Variants in AK7 observed in about 807,000 individuals in gnomAD.
The protein encoded by AK7 is ATP-AMP transphosphorylase 7.
In AK7, 78 loss-of-function variants were observed where a neutral mutation model predicts 96.6. That is an observed-to-expected ratio of 0.81 (90% CI 0.67 to 0.97). The LOEUF is 0.97. Ranked by LOEUF, AK7 falls within the 50% of genes least tolerant of loss-of-function variation. AK7 has a pLI of 0.00. For missense variants in AK7, 855 were observed against 887.9 expected (o/e 0.96, Z 0.47); for synonymous variants, 302 against 317.2 (o/e 0.95, Z 0.51).
chr14:96,415,319 T>C (rs1033061053), intron 4 of AK7, among the ~76,000 whole-genome samples: 1 of 151,798 alleles, frequency 6.6e-6, no homozygotes, highest in African/African-American at 2.4e-5. Flanking sequence ...AATAAATATT[T>C]TGAAAAGAAA....
At chr14:96,480,748 G>T (rs1196715661) in intron 15 of AK7, among the ~76,000 whole-genome samples, 1 of 152,136 alleles carries the variant, frequency 6.6e-6, no homozygotes, top group African/African-American at 2.4e-5. Flanking sequence ...TAACAGGGAG[G>T]AATGAATGAG....
chr14:96,428,819 T>C (rs911441683), intron 5 of AK7, among the ~76,000 whole-genome samples: 1 of 152,228 alleles, frequency 6.6e-6, no homozygotes, highest in Admixed American at 6.5e-5. Flanking sequence ...TGTTTGATTT[T>C]TTCTTGTAAA....
At chr14:96,456,314 T>TTGCTGTA (rs1893901512) in intron 10 of AK7, 33 bp from the exon 11 acceptor site, 2 of 1,593,194 alleles carry the variant, frequency 1.3e-6, no homozygotes, top group African/African-American at 2.7e-5. Flanking sequence ...CATTCAGAGC[T>TTGCTGTA]TGCTGTATGT....
At chr14:96,397,995 T>A in intron 1 of AK7, 80 bp from the exon 2 acceptor site, 1 of 1,443,052 alleles carries the variant, frequency 6.9e-7, no homozygotes, top group Non-Finnish European at 9.5e-7. Flanking sequence ...TCGGGAAAGG[T>A]AAGTTTCTAG....
At chr14:96,432,936 G>A (rs896571258) in intron 5 of AK7, among the ~76,000 whole-genome samples, 2 of 152,166 alleles carry the variant, frequency 1.3e-5, no homozygotes, top group Non-Finnish European at 2.9e-5. Context: ...GGAGCTTGCA[G>A]TGAGCTGAGA....
At position 96,398,272 on chromosome 14, in the gene AK7, C is replaced by T. The variant is rs780706238; in HGVS notation, c.294+9C>T. 3.2e-5 allele frequency: 51 copies of T among 1,612,264 alleles called. No homozygotes were observed. Among genetic ancestry groups the T allele is most frequent in the Admixed American group, 1.0e-4 (6 of 60,024 alleles). On this transcript the variant is annotated intron_variant, in intron 2 of 17. Transcript: ENST00000267584. ...CGGTGGAGACGTACTCTGTAAGTCC[C>T]GGAGGCTCTGGCCAGGAGTAGACAG...
intron 4 of AK7, among the ~76,000 whole-genome samples, chr14:96,415,503 GA>G (rs940718997): frequency 3.3e-5 from 5 of 151,496 alleles, no homozygotes; most frequent in Non-Finnish European, 7.4e-5. Flanking sequence ...TAAACTCTTG[GA>G]AAAAAGAAAA....
Position 96,408,772 on chromosome 14 carries a change from G to T in AK7, c.404-75G>T, listed in dbSNP as rs371413151. ...CTGGTGTTAAGTGGCTCCTACTGGT[G>T]ACTAATAGTACACGTGATTTAGAAA... On this transcript the variant is annotated intron_variant, in intron 3 of 17. Transcript: ENST00000267584. 4.3e-5 allele frequency: 59 copies of T among 1,379,310 alleles called. No homozygotes were observed. In the East Asian group the frequency reaches 1.2e-3, roughly 27 times the overall value. The allele number at this position is 1,379,310 out of a possible 1,614,324, so 85.4% of individuals were successfully genotyped here.
intron 3 of AK7, chr14:96,405,139 G>A (rs1484744039): frequency 5.3e-6 from 1 of 189,220 alleles, no homozygotes; most frequent in Non-Finnish European, 1.1e-5. Flanking sequence ...GAGCCCAGGA[G>A]TTCAAGACCA....
chr14:96,430,842 G>A (rs1373371185), intron 5 of AK7, among the ~76,000 whole-genome samples: 1 of 152,154 alleles, frequency 6.6e-6, no homozygotes, highest in Non-Finnish European at 1.5e-5. Flanking sequence ...CGTTTCAGAA[G>A]GCATGGTACC....
chr14:96,415,736 CATTAATTAA>C (rs1344141979), intron 4 of AK7, among the ~76,000 whole-genome samples: 17 of 148,662 alleles, frequency 1.1e-4, no homozygotes, highest in Admixed American at 6.0e-4. Context: ...AATTTTAATA[CATTAATTAA>C]ATTAATTAAT....
Position 96,479,179 on chromosome 14 carries a change from C to T in AK7, c.1753+517C>T, listed in dbSNP as rs546948452. On this transcript the variant is annotated intron_variant, in intron 15 of 17. Transcript: ENST00000267584. ...GCAAACTCCGCCTCCCGGGTTCACGCCATTCTCCTGCCTCAGCCTCCCGAG... is the reference window on the plus strand; with the variant it reads ...GCAAACTCCGCCTCCCGGGTTCACGTCATTCTCCTGCCTCAGCCTCCCGAG... 6.0e-4 allele frequency among the ~76,000 whole-genome samples: 92 copies of T among 152,096 alleles called. No individual in the cohort carries two copies. In the South Asian group the frequency reaches 9.7e-3, roughly 16 times the overall value.
chr14:96,487,518 C>T (rs1895845250), intron 17 of AK7, among the ~76,000 whole-genome samples: 1 of 150,478 alleles, frequency 6.6e-6, no homozygotes, highest in African/African-American at 2.4e-5. Context: ...CAACCTCCAC[C>T]TCCCGGTTCA....
chr14:96,412,481 G>A (rs1472725496), intron 4 of AK7, among the ~76,000 whole-genome samples: 7 of 151,488 alleles, frequency 4.6e-5, no homozygotes, highest in Middle Eastern at 3.4e-3. Flanking sequence ...ACCCGCCTCC[G>A]CCTCCCAAAG....
chr14:96,396,379 A>C lies in AK7; in HGVS notation c.106-1696A>C, dbSNP rs1890085869. On this transcript the variant is annotated intron_variant, in intron 1 of 17. Coordinates refer to ENST00000267584, the MANE Select transcript of AK7 (RefSeq NM_152327.5). Reference sequence around the variant, plus strand: ...AGCTGTGTCTCGTCGTTAGGCTTACAATCCAGTTGGGCAATGCCACCCCAG... The same window carrying C: ...AGCTGTGTCTCGTCGTTAGGCTTACCATCCAGTTGGGCAATGCCACCCCAG... 2.0e-5 allele frequency among the ~76,000 whole-genome samples: 3 copies of C among 152,232 alleles called. No homozygotes were observed. In the South Asian group the frequency reaches 6.2e-4, roughly 32 times the overall value.
intron 5 of AK7, among the ~76,000 whole-genome samples, chr14:96,432,639 A>G (rs1892417474): frequency 6.6e-6 from 1 of 151,938 alleles, no homozygotes; most frequent in Non-Finnish European, 1.5e-5. Context: ...TCCTTCACTT[A>G]CGAAGCTTAG....
At chr14:96,460,055 T>C (rs1595443116) in intron 12 of AK7, among the ~76,000 whole-genome samples, 1 of 152,200 alleles carries the variant, frequency 6.6e-6, no homozygotes, top group African/African-American at 2.4e-5. Context: ...ATTCTTTCCC[T>C]TGGATAGAAT....
intron 14 of AK7, among the ~76,000 whole-genome samples, chr14:96,474,936 A>T (rs551666296): frequency 6.6e-6 from 1 of 152,370 alleles, no homozygotes; most frequent in Admixed American, 6.5e-5. Context: ...CTAGAGATTT[A>T]TGCAAGTCCA....
intron 5 of AK7, among the ~76,000 whole-genome samples, chr14:96,434,057 G>A (rs1412930647): frequency 6.6e-6 from 1 of 152,104 alleles, no homozygotes; most frequent in Non-Finnish European, 1.5e-5. Flanking sequence ...TTGATCCCTG[G>A]TGCTTTATTT....
Sources: allele counts gnomAD v4.1 joint callset (sites outside exome capture counted in the v4.1 genomes callset), GRCh38; gene constraint gnomAD v4.1.1; transcripts MANE v1.5; gene names NCBI Gene and HGNC (gene_info 2026-07-23, HGNC 2026-07-21).